The following SLC6A11 variants were observed in gnomAD, a reference collection of about 807,000 sequenced individuals.
The protein encoded by SLC6A11 is solute carrier family 6 member 11, also known as sodium- and chloride-dependent GABA transporter 3.
SLC6A11 carries 25 observed loss-of-function variants against 74.8 expected under a neutral mutation model. That is an observed-to-expected ratio of 0.33 (90% CI 0.24 to 0.47). The LOEUF (loss-of-function observed/expected upper bound fraction) is 0.47, where lower values mean the gene tolerates loss of function less well. SLC6A11 is among the 20% of genes least tolerant of loss of function. The pLI is 1.00. For missense variants in SLC6A11, 574 were observed against 837.0 expected (o/e 0.69, Z 3.88); for synonymous variants, 330 against 330.2 (o/e 1.00, Z 0.01).
At chr3:10,835,812 A>G (rs1324805257) in intron 4 of SLC6A11, among the ~76,000 whole-genome samples, 2 of 152,198 alleles carry the variant, frequency 1.3e-5, no homozygotes, top group Non-Finnish European at 2.9e-5. Flanking sequence ...GTTAGGAAGT[A>G]TTGCCTTGGA....
intron 10 of SLC6A11, 47 bp downstream of exon 10, chr3:10,929,386 G>T: frequency 6.2e-7 from 1 of 1,600,404 alleles, no homozygotes; most frequent in Non-Finnish European, 8.5e-7. Flanking sequence ...GGTGTGTGAC[G>T]TCAACTCCCA....
chr3:10,926,866 G>A lies in SLC6A11; in HGVS notation c.1233+750G>A, dbSNP rs1695615210. Among the ~76,000 whole-genome samples, 1 of 152,132 alleles carries A rather than the reference G, an allele frequency of 6.6e-6. No individual in the cohort carries two copies. The highest frequency in any genetic ancestry group is 2.1e-4 in the South Asian group (1 of 4,826). On this transcript the variant is annotated intron_variant, in intron 9 of 13. Coordinates refer to ENST00000254488, the MANE Select transcript of SLC6A11 (RefSeq NM_014229.3). This position sits in a 1 kb window ranked among gnomAD's most constrained non-coding sequence, Gnocchi z 5.7. ...AGTCCCTGAAACCCACCCTTTGCCT[G>A]CTGGTCCTCACAGCTGTTTTCCCTA...
At chr3:10,856,223 G>C (rs1435372754) in intron 5 of SLC6A11, among the ~76,000 whole-genome samples, 1 of 152,250 alleles carries the variant, frequency 6.6e-6, no homozygotes, top group African/African-American at 2.4e-5. Context: ...GAAATTGTGT[G>C]TGATTCTGAG....
At chr3:10,832,033 T>A (rs902122041) in intron 4 of SLC6A11, among the ~76,000 whole-genome samples, 1 of 152,240 alleles carries the variant, frequency 6.6e-6, no homozygotes. Flanking sequence ...ATGTATTTAT[T>A]TAGTTATCAA....
At chr3:10,849,519 G>T (rs1694545713) in intron 5 of SLC6A11, among the ~76,000 whole-genome samples, 1 of 152,198 alleles carries the variant, frequency 6.6e-6, no homozygotes, top group Middle Eastern at 3.4e-3. Context: ...AAAACATCCT[G>T]TCCTCTCCAT....
rs1271928518 is a variant in SLC6A11 at position 10,816,564 on chromosome 3, C to T, written c.256+43C>T. Reference sequence around the variant, plus strand: ...AGAAGGGGAGGGGGCGCCAACCGCCCGGTGGGGGCGGGGAGCCAGGGGCGA... The same window carrying T: ...AGAAGGGGAGGGGGCGCCAACCGCCTGGTGGGGGCGGGGAGCCAGGGGCGA... On this transcript the variant is annotated intron_variant, in intron 1 of 13. Transcript: ENST00000254488. This position sits in a 1 kb window ranked among gnomAD's most constrained non-coding sequence, Gnocchi z 4.2. The T allele has an allele frequency of 2.8e-6, 4 of 1,406,972 alleles. No individual in the cohort carries two copies. Among genetic ancestry groups the T allele is most frequent in the East Asian group, 3.3e-5 (1 of 30,102 alleles). The allele number at this position is 1,406,972 out of a possible 1,614,324, so 87.2% of individuals were successfully genotyped here.
chr3:10,819,820 C>A lies in SLC6A11; in HGVS notation c.500C>A (p.Pro167His), dbSNP rs1313522684. 1 of 1,614,082 alleles carries A rather than the reference C, an allele frequency of 6.2e-7. No homozygotes were observed. Among genetic ancestry groups the A allele is most frequent in the Non-Finnish European group, 8.5e-7 (1 of 1,180,022 alleles). Reference protein sequence around the residue: ...YLSNCFTTELPWATCGHEWNT... With the variant: ...YLSNCFTTELHWATCGHEWNT... ...AGCAACTGCTTCACTACTGAGCTACCCTGGGCTACCTGTGGGCATGAGTGG... is the reference window on the plus strand; with the variant it reads ...AGCAACTGCTTCACTACTGAGCTACACTGGGCTACCTGTGGGCATGAGTGG... Residue 167 changes from proline to histidine, a missense_variant, in exon 3 of 14, where the codon CCC (proline) becomes CAC (histidine). By Grantham distance (77) the Pro-to-His change is moderately conservative. This residue lies in a region of SLC6A11 where 215 missense variants were observed against 357.9 expected (regional missense o/e 0.60). Transcript: ENST00000254488.
intron 5 of SLC6A11, among the ~76,000 whole-genome samples, chr3:10,847,830 G>A (rs568802150): frequency 5.9e-5 from 9 of 152,238 alleles, no homozygotes; most frequent in Non-Finnish European, 8.8e-5. Context: ...TTGGAGTTCT[G>A]TACAAAAACA....
At chr3:10,852,903 G>T (rs115725551) in intron 5 of SLC6A11, among the ~76,000 whole-genome samples, 1 of 152,208 alleles carries the variant, frequency 6.6e-6, no homozygotes, top group Non-Finnish European at 1.5e-5. Flanking sequence ...CTCAGGAACT[G>T]GGGAAATAAG....
At chr3:10,887,244 G>T (rs538346448) in intron 6 of SLC6A11, among the ~76,000 whole-genome samples, 7 of 151,670 alleles carry the variant, frequency 4.6e-5, no homozygotes, top group African/African-American at 1.7e-4. Context: ...TAGATGCATG[G>T]ATGGATGATG....
chr3:10,858,568 C>T (rs778828539), intron 5 of SLC6A11, among the ~76,000 whole-genome samples: 18 of 152,204 alleles, frequency 1.2e-4, no homozygotes, highest in Non-Finnish European at 8.8e-5. Context: ...GTTGCAATCA[C>T]TAACTTATGT....
intron 5 of SLC6A11, among the ~76,000 whole-genome samples, chr3:10,853,151 G>C (rs1045194692): frequency 3.9e-5 from 6 of 152,206 alleles, no homozygotes; most frequent in African/African-American, 1.4e-4. Flanking sequence ...AGTCGGGTGA[G>C]CCTGGCAGCC....
At chr3:10,904,337 G>A (rs1240131760) in intron 6 of SLC6A11, among the ~76,000 whole-genome samples, 1 of 152,200 alleles carries the variant, frequency 6.6e-6, no homozygotes, top group African/African-American at 2.4e-5. Flanking sequence ...GGAACCAGTG[G>A]CCTTGAAAGA....
In SLC6A11 at chr3:10,861,591, G is replaced by A. The variant is rs1694703740; in HGVS notation, c.757-13370G>A. The stretch of plus-strand genomic sequence containing the variant: ...AGACTTAAAAAAATCATGGAGAAAG[G>A]AGGCAGAAAACTAGAAAAGTCCAAT... On this transcript the variant is annotated intron_variant, in intron 5 of 13. Transcript: ENST00000254488. Among the ~76,000 whole-genome samples the A allele has an allele frequency of 2.6e-5, 4 of 152,082 alleles. No homozygotes were observed. In the South Asian group the frequency reaches 8.3e-4, roughly 32 times the overall value.
chr3:10,909,592 C>T (rs1695358629), intron 6 of SLC6A11, among the ~76,000 whole-genome samples: 1 of 152,148 alleles, frequency 6.6e-6, no homozygotes, highest in Non-Finnish European at 1.5e-5. Flanking sequence ...ACACTCTGGC[C>T]CAGAACAGTG....
chr3:10,856,774 A>T (rs1195451892), intron 5 of SLC6A11, among the ~76,000 whole-genome samples: 1 of 152,160 alleles, frequency 6.6e-6, no homozygotes, highest in Non-Finnish European at 1.5e-5. Flanking sequence ...AGCAGAGTCC[A>T]TGGGCTCCAC....
In SLC6A11 at chr3:10,935,253, C is replaced by T; in HGVS notation, c.1746+54C>T. On this transcript the variant is annotated intron_variant, in intron 13 of 13. Coordinates refer to ENST00000254488, the MANE Select transcript of SLC6A11 (RefSeq NM_014229.3). The stretch of plus-strand genomic sequence containing the variant: ...TTTGGGCAGGGTTCGCGCCTTGGGT[C>T]CCAGTTTCCTCATCTGCATGGTGCG... The T allele has an allele frequency of 2.6e-6, 4 of 1,545,090 alleles. No individual in the cohort carries two copies. The South Asian group carries it at 3.4e-5, about 13-fold the overall frequency.
chr3:10,924,871 G>A (rs2106632961), intron 8 of SLC6A11, among the ~76,000 whole-genome samples: 1 of 152,316 alleles, frequency 6.6e-6, no homozygotes, highest in Middle Eastern at 3.4e-3. Flanking sequence ...ACTGGAAATT[G>A]GAAACATTGC....
At chr3:10,909,419 T>C (rs1270924384) in intron 6 of SLC6A11, among the ~76,000 whole-genome samples, 1 of 152,088 alleles carries the variant, frequency 6.6e-6, no homozygotes, top group African/African-American at 2.4e-5. Flanking sequence ...GGGGGACGTA[T>C]CTGGGGCTTG....
Sources: gnomAD v4.1 joint callset for allele counts (sites outside exome capture counted in the v4.1 genomes callset) on GRCh38, gnomAD v4.1.1 for gene constraint, gnomAD v4.1.1 regional missense constraint, Gnocchi (gnomAD v3.1) non-coding constraint, MANE v1.5 for transcripts, NCBI Gene and HGNC (gene_info 2026-07-23, HGNC 2026-07-21) for gene names.